LRRC8B: variants seen among roughly 807,000 people sequenced by gnomAD.
LRRC8B encodes the protein volume-regulated anion channel subunit LRRC8B.
Under a neutral mutation model 58.8 loss-of-function variants are expected in LRRC8B, and 23 were observed. The ratio of observed to expected loss-of-function variants is 0.39; its 90% CI spans 0.28 to 0.55. The LOEUF (loss-of-function observed/expected upper bound fraction) is 0.55. LRRC8B is among the 20% of genes least tolerant of loss of function. The probability of loss-of-function intolerance (pLI) is 0.62; values close to 1 mark genes in which losing one functional copy is unlikely to be tolerated. For synonymous variants in LRRC8B, 359 were observed against 374.1 expected (o/e 0.96, Z 0.47); for missense variants, 694 against 936.0 (o/e 0.74, Z 3.37).
intron 1 of LRRC8B, among the ~76,000 whole-genome samples, chr1:89,556,684 A>T (rs751016425): frequency 6.6e-6 from 1 of 152,198 alleles, no homozygotes; most frequent in Non-Finnish European, 1.5e-5. Context: ...TAAACCAGAC[A>T]TTCTCCCTCT....
chr1:89,553,452 C>T (rs1246518178), intron 1 of LRRC8B, among the ~76,000 whole-genome samples: 4 of 152,256 alleles, frequency 2.6e-5, no homozygotes, highest in Admixed American at 2.6e-4. Flanking sequence ...ATATATCTGG[C>T]ACCCTTTTGT....
chr1:89,543,230 AT>A (rs1196499857), intron 1 of LRRC8B, among the ~76,000 whole-genome samples: 2 of 152,194 alleles, frequency 1.3e-5, no homozygotes, highest in Admixed American at 1.3e-4. Context: ...CACATTTTTA[AT>A]GTATATTTTG....
chr1:89,531,348 G>T (rs1241250692), intron 1 of LRRC8B, among the ~76,000 whole-genome samples: 2 of 152,224 alleles, frequency 1.3e-5, no homozygotes, highest in Non-Finnish European at 2.9e-5. Context: ...ATGCACAGGA[G>T]TCATATAAAA....
intron 1 of LRRC8B, among the ~76,000 whole-genome samples, chr1:89,566,947 T>C (rs999813184): frequency 7.2e-5 from 11 of 152,178 alleles, no homozygotes; most frequent in African/African-American, 2.7e-4. Flanking sequence ...TACCCTTTTA[T>C]TTTTAGGTTA....
intron 1 of LRRC8B, among the ~76,000 whole-genome samples, chr1:89,531,521 G>T (rs1338612536): frequency 6.6e-6 from 1 of 152,224 alleles, no homozygotes; most frequent in Non-Finnish European, 1.5e-5. Flanking sequence ...AGGAGGCCTG[G>T]CTAGCAAAGG....
At chr1:89,535,037 AAT>A (rs1650428595) in intron 1 of LRRC8B, among the ~76,000 whole-genome samples, 1 of 152,046 alleles carries the variant, frequency 6.6e-6, no homozygotes, top group African/African-American at 2.4e-5. Context: ...ACTCCTGAGA[AAT>A]AAGATGTTTG....
At chr1:89,552,665 A>G (rs981817782) in intron 1 of LRRC8B, among the ~76,000 whole-genome samples, 3 of 152,196 alleles carry the variant, frequency 2.0e-5, no homozygotes, top group African/African-American at 7.2e-5. Flanking sequence ...AAAGTAAGTC[A>G]TTAAAGATTG....
At chr1:89,578,177 CAG>C (rs898373906) in intron 3 of LRRC8B, among the ~76,000 whole-genome samples, 35 of 152,014 alleles carry the variant, frequency 2.3e-4, no homozygotes, top group African/African-American at 8.2e-4. Flanking sequence ...GGTAGAAAAA[CAG>C]ATGTTAAATT....
At chr1:89,559,776 AAATT>A (rs1652484129) in intron 1 of LRRC8B, among the ~76,000 whole-genome samples, 1 of 152,190 alleles carries the variant, frequency 6.6e-6, no homozygotes, top group Admixed American at 6.5e-5. Context: ...TAAATTTTAA[AAATT>A]AATACTTCCA....
intron 1 of LRRC8B, among the ~76,000 whole-genome samples, chr1:89,536,573 A>G (rs1025142710): frequency 6.6e-6 from 1 of 152,232 alleles, no homozygotes; most frequent in African/African-American, 2.4e-5. Flanking sequence ...GAGAAAACAG[A>G]AAAAACCCTT....
rs970326996 is a variant in LRRC8B, at chr1:89,524,954, C to T, written c.-309C>T. On this transcript the variant is annotated 5_prime_UTR_variant, in exon 1 of 6. Transcript: ENST00000330947. ...GGAAAGTGCGGGCGCGGGGCCGCAG[C>T]CTGCCCGCCCGGAGCGGCCCAGGAG... The T allele has an allele frequency of 6.6e-5, 10 of 152,126 alleles. No individual in the cohort carries two copies. Among genetic ancestry groups the T allele is most frequent in the African/African-American group, 2.4e-4 (10 of 41,426 alleles). 9.4% of individuals were successfully genotyped at this position (152,126 alleles called of 1,614,324 possible).
chr1:89,592,890 G>A lies in LRRC8B; in HGVS notation c.2259G>A (p.Leu753=), dbSNP rs1366144260. The A allele has an allele frequency of 6.2e-7, 1 of 1,613,896 alleles. No homozygotes were observed. The highest frequency in any genetic ancestry group is 8.5e-7 in the Non-Finnish European group (1 of 1,179,998). Residue 753 remains leucine (L), a synonymous_variant, in exon 6 of 6, where the codon CTG becomes CTA. Coordinates refer to ENST00000330947, the MANE Select transcript of LRRC8B (RefSeq NM_001369817.2). ...GTGAGCTGTCAAACCTTACTCATCTGGAGCTCATTGGTAATTACCTGGAAA... is the reference window on the plus strand; with the variant it reads ...GTGAGCTGTCAAACCTTACTCATCTAGAGCTCATTGGTAATTACCTGGAAA... The part of the protein sequence containing the change: ...HVGELSNLTH[L]ELIGNYLETL...
At chr1:89,551,137 C>A (rs1266794183) in intron 1 of LRRC8B, among the ~76,000 whole-genome samples, 1 of 152,152 alleles carries the variant, frequency 6.6e-6, no homozygotes, top group Non-Finnish European at 1.5e-5. Context: ...CTCCCCACTA[C>A]CCCGCTGGAG....
chr1:89,563,236 T>G (rs907038157), intron 1 of LRRC8B, among the ~76,000 whole-genome samples: 1 of 152,174 alleles, frequency 6.6e-6, no homozygotes, highest in African/African-American at 2.4e-5. Flanking sequence ...TTTTTAAGTA[T>G]TTTAACTATT....
intron 2 of LRRC8B, 29 bp from the exon 3 acceptor site, chr1:89,568,410 A>T (rs146554523): frequency 6.6e-6 from 1 of 152,172 alleles, no homozygotes; most frequent in Non-Finnish European, 1.5e-5. Context: ...TGCGTAAAAT[A>T]TAATAATATG....
chr1:89,580,131 AG>A (rs1469219232), intron 4 of LRRC8B, among the ~76,000 whole-genome samples: 4 of 152,166 alleles, frequency 2.6e-5, no homozygotes, highest in African/African-American at 9.7e-5. Flanking sequence ...TTCACCTGTG[AG>A]GTTGTTGCGC....
At chr1:89,592,681 TTG>T in intron 5 of LRRC8B, 88 bp from the exon 6 acceptor site, 1 of 1,113,540 alleles carries the variant, frequency 9.0e-7, no homozygotes, top group Admixed American at 2.4e-5. Context: ...CAGAAATGTT[TTG>T]TTTTTTTTTT....
rs149543545 is a variant in LRRC8B at position 89,582,618 on chromosome 1, C to T, written c.-26-7C>T. ...TCAGTAGTGTTTCTTTTATTTCCCT[C>T]TTCCAGTTTCTGTCCTCCTACAAGG... On this transcript the variant is annotated splice_polypyrimidine_tract_variant and splice_region_variant and intron_variant, in intron 4 of 5. Transcript: ENST00000330947. The T allele has an allele frequency of 2.0e-6, 3 of 1,496,980 alleles. No individual in the cohort carries two copies. The East Asian group carries it at 6.8e-5, about 34-fold the overall frequency. The allele number at this position is 1,496,980 out of a possible 1,614,324, so 92.7% of individuals were successfully genotyped here.
chr1:89,537,276 T>C (rs925391634), intron 1 of LRRC8B, among the ~76,000 whole-genome samples: 2 of 152,132 alleles, frequency 1.3e-5, no homozygotes, highest in Admixed American at 6.5e-5. Flanking sequence ...AAGAACAAAA[T>C]GTGCAAGTAG....
Sources: allele counts gnomAD v4.1 joint callset (sites outside exome capture counted in the v4.1 genomes callset), GRCh38; gene constraint gnomAD v4.1.1; transcripts MANE v1.5; gene names NCBI Gene and HGNC (gene_info 2026-07-23, HGNC 2026-07-21).